Variants in PCDH9 observed in about 807,000 individuals in gnomAD.
PCDH9 encodes the protein protocadherin 9, also known as protocadherin-9.
In PCDH9, 24 loss-of-function variants were observed where a neutral mutation model predicts 70.6. The ratio of observed to expected loss-of-function variants is 0.34; its 90% CI spans 0.25 to 0.48. PCDH9 has a LOEUF of 0.48. Among genes scored for constraint, PCDH9 ranks in the 20% least tolerant of loss-of-function variants. The probability of loss-of-function intolerance (pLI) is 0.99; values close to 1 mark genes in which losing one functional copy is unlikely to be tolerated. For synonymous variants in PCDH9, 562 were observed against 558.5 expected, an observed-to-expected ratio of 1.01 and a Z score of -0.09; for missense variants, 1,281 against 1,503.6, an observed-to-expected ratio of 0.85 and a Z score of 2.45.
chr13:66,340,750 G>A (rs1279909838), intron 4 of PCDH9, among the ~76,000 whole-genome samples: 1 of 152,174 alleles, frequency 6.6e-6, no homozygotes, highest in African/African-American at 2.4e-5. Context: ...GAGGTGTTCT[G>A]CTCAGATCGC....
chr13:66,585,025 T>C (rs2076943940), intron 4 of PCDH9, among the ~76,000 whole-genome samples: 1 of 151,892 alleles, frequency 6.6e-6, no homozygotes, highest in African/African-American at 2.4e-5. Flanking sequence ...AGGCATATGA[T>C]TGGGGGTAGG....
chr13:66,861,108 G>A (rs554625774), intron 3 of PCDH9, among the ~76,000 whole-genome samples: 146 of 152,318 alleles, frequency 9.6e-4, no homozygotes, highest in African/African-American at 3.4e-3. Context: ...AAGTTGCAAA[G>A]AAGAGGTACC....
At chr13:66,808,651 T>C (rs1330699966) in intron 3 of PCDH9, among the ~76,000 whole-genome samples, 1 of 152,188 alleles carries the variant, frequency 6.6e-6, no homozygotes, top group East Asian at 1.9e-4. Context: ...ATATTCCTGC[T>C]TCCCTGTAAA....
At chr13:66,514,632 GT>G (rs1959647286) in intron 4 of PCDH9, among the ~76,000 whole-genome samples, 1 of 152,084 alleles carries the variant, frequency 6.6e-6, no homozygotes, top group Non-Finnish European at 1.5e-5. Flanking sequence ...TTCTTCGGGT[GT>G]GCTTTTGTGG....
At chr13:66,730,887 G>GTTTTGGTTTTTTTTTTTTTTTT (rs1303010293) in intron 3 of PCDH9, among the ~76,000 whole-genome samples, 1 of 60,772 alleles carries the variant, frequency 1.6e-5, no homozygotes, top group Non-Finnish European at 3.0e-5. Flanking sequence ...TTTTTTTTTT[G>GTTTTGGTTTTTTTTTTTTTTTT]TTTGTTTCTT....
intron 3 of PCDH9, among the ~76,000 whole-genome samples, chr13:66,769,141 TCAAA>T (rs1205509036): frequency 5.3e-5 from 8 of 152,048 alleles, no homozygotes; most frequent in Admixed American, 3.9e-4. Context: ...CAATCAGCCA[TCAAA>T]CAAACAAGTA....
intron 3 of PCDH9, among the ~76,000 whole-genome samples, chr13:66,835,576 T>C (rs1463920322): frequency 1.3e-5 from 2 of 152,230 alleles, no homozygotes; most frequent in Non-Finnish European, 2.9e-5. Context: ...TTTTGCCCAC[T>C]GAATCTGTGT....
At chr13:67,184,610 T>C (rs1306604781) in intron 2 of PCDH9, among the ~76,000 whole-genome samples, 1 of 152,056 alleles carries the variant, frequency 6.6e-6, no homozygotes, top group Non-Finnish European at 1.5e-5. Context: ...ACACAACTGT[T>C]GTCCCGGCTA....
chr13:67,138,609 C>T (rs1413330018), intron 2 of PCDH9, among the ~76,000 whole-genome samples: 1 of 152,200 alleles, frequency 6.6e-6, no homozygotes, highest in Admixed American at 6.5e-5. Context: ...ATGGAATCCT[C>T]TAGGGGGTAT....
chr13:66,604,781 T>A (rs755340183), intron 4 of PCDH9, among the ~76,000 whole-genome samples: 11 of 151,088 alleles, frequency 7.3e-5, no homozygotes, highest in Non-Finnish European at 7.4e-5. Flanking sequence ...CATTCATTAG[T>A]GATATTTTTT....
At chr13:66,573,103 A>G (rs567851293) in intron 4 of PCDH9, among the ~76,000 whole-genome samples, 2 of 152,074 alleles carry the variant, frequency 1.3e-5, no homozygotes, top group East Asian at 1.9e-4. Flanking sequence ...TTTACTCTTT[A>G]TCTTTTTGAT....
chr13:66,739,320 C>A (rs1593983414), intron 3 of PCDH9, among the ~76,000 whole-genome samples: 2 of 127,428 alleles, frequency 1.6e-5, no homozygotes, highest in African/African-American at 5.5e-5. Flanking sequence ...CAGGCCTGCC[C>A]TAAAAGAGCT....
chr13:67,071,673 T>C (rs2085765889), intron 2 of PCDH9, among the ~76,000 whole-genome samples: 1 of 152,036 alleles, frequency 6.6e-6, no homozygotes, highest in Non-Finnish European at 1.5e-5. Context: ...GTAGATCACC[T>C]GAGGTCAGGA....
At chr13:67,057,167 C>A (rs1427998647) in intron 2 of PCDH9, among the ~76,000 whole-genome samples, 1 of 152,138 alleles carries the variant, frequency 6.6e-6, no homozygotes, top group Non-Finnish European at 1.5e-5. Context: ...GTTAGGAATA[C>A]GCATAGATTA....
At chr13:67,046,478 C>G (rs1339419919) in intron 2 of PCDH9, among the ~76,000 whole-genome samples, 4 of 151,986 alleles carry the variant, frequency 2.6e-5, no homozygotes, top group Admixed American at 6.6e-5. Context: ...TTAAAGAAAC[C>G]TAAAGTCAAG....
rs945063871 is a variant in PCDH9, at chr13:66,596,879, T to C, written c.3340+34331A>G. 2.7e-5 allele frequency among the ~76,000 whole-genome samples: 4 copies of C among 145,770 alleles called. 1 individual carries two copies. The highest frequency in any genetic ancestry group is 4.3e-4 in the South Asian group (2 of 4,666). ...TGCTGTAGCAGAACATGGCTATTCT[T>C]TTTTTTTTTTTATTCTAAAAAGTTT... On this transcript the variant is annotated intron_variant, in intron 4 of 4. Transcript: ENST00000377865.
At position 66,397,731 on chromosome 13, in the gene PCDH9, A is replaced by G. The variant is rs868577490; in HGVS notation, c.3341-92703T>C. ...TTCCATGTTATCATTGGTGTGTCAAACTGCTCTAAAATAATTCCTGAATTA... is the reference window on the plus strand; with the variant it reads ...TTCCATGTTATCATTGGTGTGTCAAGCTGCTCTAAAATAATTCCTGAATTA... On this transcript the variant is annotated intron_variant, in intron 4 of 4. Coordinates refer to ENST00000377865, the MANE Select transcript of PCDH9 (RefSeq NM_203487.3). Among the ~76,000 whole-genome samples the G allele has an allele frequency of 7.2e-5, 11 of 151,798 alleles. No individual in the cohort carries two copies. The South Asian group carries it at 2.1e-3, about 29-fold the overall frequency.
chr13:66,508,782 C>T (rs746742483), intron 4 of PCDH9, among the ~76,000 whole-genome samples: 3 of 152,140 alleles, frequency 2.0e-5, no homozygotes, highest in Non-Finnish European at 4.4e-5. Flanking sequence ...GATATCCAAT[C>T]TGTTTTGTGA....
chr13:66,926,514 C>T (rs1016687067), intron 2 of PCDH9, among the ~76,000 whole-genome samples: 3 of 151,998 alleles, frequency 2.0e-5, no homozygotes, highest in Non-Finnish European at 4.4e-5. Context: ...TTAGCTCTTA[C>T]GTACCAAGGA....
Sources: allele counts gnomAD v4.1 joint callset (sites outside exome capture counted in the v4.1 genomes callset), GRCh38; gene constraint gnomAD v4.1.1; transcripts MANE v1.5; gene names NCBI Gene and HGNC (gene_info 2026-07-23, HGNC 2026-07-21).